Variants in ATRIP observed in about 807,000 individuals in gnomAD.
ATRIP encodes ATR interacting protein.
Under a neutral mutation model 78.1 loss-of-function variants are expected in ATRIP, and 44 were observed. That is an observed-to-expected ratio of 0.56 (90% CI 0.44 to 0.72). The LOEUF is 0.72. Among genes scored for constraint, ATRIP ranks in the 30% least tolerant of loss-of-function variants. The pLI is 0.00. For synonymous variants in ATRIP, 388 were observed against 408.9 expected, an observed-to-expected ratio of 0.95 and a Z score of 0.62; for missense variants, 927 against 980.2, an observed-to-expected ratio of 0.95 and a Z score of 0.72.
Position 48,463,887 on chromosome 3 carries a change from G to C in ATRIP, c.1882+6G>C, listed in dbSNP as rs1337375092. On this transcript the variant is annotated splice_donor_region_variant and intron_variant, in intron 9 of 12. Transcript: ENST00000320211. ...TCAGCTCTGTTCCCACTCAGGTAAA[G>C]CAGGGTGGGGCGGGCGTCTAGACTG... The C allele has an allele frequency of 6.2e-7, 1 of 1,614,120 alleles. No individual in the cohort carries two copies.
chr3:48,467,251 G>GTGA lies in ATRIP; in HGVS notation c.*1700_*1702dup, dbSNP rs74556809. On this transcript the variant is annotated 3_prime_UTR_variant, in exon 13 of 13. Coordinates refer to ENST00000320211, the MANE Select transcript of ATRIP (RefSeq NM_130384.3). Reference sequence around the variant, plus strand: ...CCTCCAGACTCGCACACGGCTGAGGGTGATGTCCTGGCCCTGCTCAGCATC... The same window carrying GTGA: ...CCTCCAGACTCGCACACGGCTGAGGGTGATGATGTCCTGGCCCTGCTCAGCATC... The GTGA allele has an allele frequency of 3.7e-6, 6 of 1,614,030 alleles. No homozygotes were observed. In the African/African-American group the frequency reaches 5.3e-5, roughly 14 times the overall value.
At chr3:48,447,175 G>T in intron 1 of ATRIP, 83 bp downstream of exon 1, 1 of 1,353,436 alleles carries the variant, frequency 7.4e-7, no homozygotes, top group Middle Eastern at 2.1e-4. Context: ...TCGGAACCTC[G>T]CGGCCAGCAC....
At chr3:48,448,460 A>C (rs2039744110) in intron 1 of ATRIP, among the ~76,000 whole-genome samples, 1 of 152,212 alleles carries the variant, frequency 6.6e-6, no homozygotes, top group Non-Finnish European at 1.5e-5. Context: ...GATTACAGGT[A>C]TGAGCCATCC....
In ATRIP at chr3:48,467,267, G is replaced by A; in HGVS notation, c.*1713G>A. ...CGGCTGAGGGTGATGTCCTGGCCCTGCTCAGCATCTGTCAGTGGAGACCAC... is the reference window on the plus strand; with the variant it reads ...CGGCTGAGGGTGATGTCCTGGCCCTACTCAGCATCTGTCAGTGGAGACCAC... On this transcript the variant is annotated 3_prime_UTR_variant, in exon 13 of 13. Transcript: ENST00000320211. The A allele has an allele frequency of 6.2e-7, 1 of 1,614,148 alleles. No individual in the cohort carries two copies. Among genetic ancestry groups the A allele is most frequent in the East Asian group, 2.2e-5 (1 of 44,888 alleles).
In ATRIP at chr3:48,450,064, A is replaced by G; in HGVS notation, c.275A>G (p.Asp92Gly). The change falls in exon 2 of 13, where the codon GAT becomes GGT. Residue 92 changes from aspartate to glycine, a missense_variant. Asp to Gly is a moderately conservative substitution (Grantham distance 94, BLOSUM62 -1). Transcript: ENST00000320211. ...GATCATAAGGTCCACAGATTATTAG[A>G]TGGCATGTCAAAAAATCCTTCAGGG... Reference protein sequence around the residue: ...SSDHKVHRLLDGMSKNPSGKN... With the variant: ...SSDHKVHRLLGGMSKNPSGKN... 2 of 1,613,702 alleles carry G rather than the reference A, an allele frequency of 1.2e-6. No individual in the cohort carries two copies. The highest frequency in any genetic ancestry group is 1.7e-6 in the Non-Finnish European group (2 of 1,179,864).
At chr3:48,464,160 A>G (rs1274029457) in intron 10 of ATRIP, 28 bp downstream of exon 10, 21 of 1,526,610 alleles carry the variant, frequency 1.4e-5, no homozygotes, top group South Asian at 5.6e-5. Context: ...CCTTCTGGAC[A>G]CTGTCCCCAC....
chr3:48,464,596 G>T lies in ATRIP; in HGVS notation c.1989G>T (p.Leu663=). ...LQLEQEVVWL[L]AKLGVQSPLP... ...TCTTGTTCTAGGTGGTGTGGCTCCT[G>T]GCTAAGCTTGGTGTGCAGAGCCCCT... Residue 663 remains leucine, a synonymous_variant, in exon 11 of 13, where the codon CTG becomes CTT. Transcript: ENST00000320211. 1 of 1,614,174 alleles carries T rather than the reference G, an allele frequency of 6.2e-7. No individual in the cohort carries two copies. Among genetic ancestry groups the T allele is most frequent in the Non-Finnish European group, 8.5e-7 (1 of 1,180,016 alleles).
In ATRIP at chr3:48,459,889, C is replaced by A. The variant is rs763853987; in HGVS notation, c.1028C>A (p.Thr343Asn). Residue 343 changes from threonine to asparagine, a missense_variant, in exon 7 of 13, where the codon ACC becomes AAC. Coordinates refer to ENST00000320211, the MANE Select transcript of ATRIP (RefSeq NM_130384.3). ...AGTAGTTCTGAGTCTCCTGCTGGCA[C>A]CCCCCTGCAGCCACCAGGGTTTGGC... ...LSSSSESPAGTPLQPPGFGST... is the reference protein window; with the variant it reads ...LSSSSESPAGNPLQPPGFGST... 7 of 1,613,518 alleles carry A rather than the reference C, an allele frequency of 4.3e-6. No homozygotes were observed. In the Admixed American group the frequency reaches 5.0e-5, roughly 12 times the overall value.
intron 10 of ATRIP, 42 bp from the exon 11 acceptor site, chr3:48,464,539 GT>G (rs1164108086): frequency 3.1e-6 from 5 of 1,591,674 alleles, no homozygotes; most frequent in African/African-American, 1.3e-5. Flanking sequence ...GCAGGGACTG[GT>G]CTCCTTCTGC....
chr3:48,464,233 AT>A, intron 10 of ATRIP, 101 bp downstream of exon 10: 2 of 1,112,114 alleles, frequency 1.8e-6, no homozygotes, highest in South Asian at 1.3e-5. Context: ...GCTTTAATTC[AT>A]TTTAGTAACA....
Position 48,464,919 on chromosome 3 carries a change from G to A in ATRIP, c.2144G>A (p.Arg715Gln), listed in dbSNP as rs763262850. Residue 715 changes from arginine (R) to glutamine (Q), a missense_variant, in exon 12 of 13, where the codon CGG (arginine) becomes CAG (glutamine). Transcript: ENST00000320211. ...CCCCCAAGGACCGACCAGCAGAGGCGGACAGTGCGCTGTCTGCGGGACACG... is the reference window on the plus strand; with the variant it reads ...CCCCCAAGGACCGACCAGCAGAGGCAGACAGTGCGCTGTCTGCGGGACACG... ...GGPPRTDQQR[R>Q]TVRCLRDTVL... is the part of the protein sequence containing the mutation. The A allele has an allele frequency of 6.8e-6, 11 of 1,614,030 alleles. No individual in the cohort carries two copies. The highest frequency in any genetic ancestry group is 3.3e-4 in the Middle Eastern group (2 of 6,084).
chr3:48,463,984 G>C, intron 9 of ATRIP, 57 bp from the exon 10 acceptor site: 7 of 1,604,908 alleles, frequency 4.4e-6, no homozygotes, highest in Non-Finnish European at 6.0e-6. Flanking sequence ...GCAGTATGTA[G>C]CCCACGCTCT....
intron 2 of ATRIP, among the ~76,000 whole-genome samples, chr3:48,451,361 A>G (rs2039832280): frequency 1.3e-5 from 2 of 152,312 alleles, no homozygotes; most frequent in South Asian, 4.1e-4. Context: ...CTAGTGGCAC[A>G]TGCTTTGTAG....
chr3:48,463,729 G>A lies in ATRIP; in HGVS notation c.1746-16G>A. ...GGTTGGGGAGTGTCACGTCTCTCTGGGTCCCTGTCTTTTAGGTTCCAGTGT... is the reference window on the plus strand; with the variant it reads ...GGTTGGGGAGTGTCACGTCTCTCTGAGTCCCTGTCTTTTAGGTTCCAGTGT... On this transcript the variant is annotated splice_polypyrimidine_tract_variant and intron_variant, in intron 8 of 12. Coordinates refer to ENST00000320211, the MANE Select transcript of ATRIP (RefSeq NM_130384.3). The A allele has an allele frequency of 6.2e-7, 1 of 1,613,964 alleles. No individual in the cohort carries two copies. The highest frequency in any genetic ancestry group is 1.1e-5 in the South Asian group (1 of 91,062).
intron 1 of ATRIP, chr3:48,447,608 A>G: frequency 1.1e-6 from 1 of 886,118 alleles, no homozygotes; most frequent in Non-Finnish European, 1.4e-6. Context: ...CTGACCTTAC[A>G]ATGAACAAAA....
At chr3:48,458,011 C>T (rs1231500654) in intron 5 of ATRIP, among the ~76,000 whole-genome samples, 24 of 151,616 alleles carry the variant, frequency 1.6e-4, no homozygotes. Context: ...TCTCCTAATG[C>T]TATCCCTCCC....
At chr3:48,450,479 A>G (rs766409015) in intron 2 of ATRIP, 23 of 1,286,004 alleles carry the variant, frequency 1.8e-5, no homozygotes, top group Admixed American at 4.5e-5. Flanking sequence ...AATGGTTGCT[A>G]TTTTCATTAG....
chr3:48,457,127 T>C (rs1321721890), intron 4 of ATRIP, 132 bp from the exon 5 acceptor site: 1 of 700,806 alleles, frequency 1.4e-6, no homozygotes. Flanking sequence ...ATGGTAGACA[T>C]ATAATAGATA....
At chr3:48,448,129 G>A (rs2039730481) in intron 1 of ATRIP, among the ~76,000 whole-genome samples, 1 of 150,870 alleles carries the variant, frequency 6.6e-6, no homozygotes, top group East Asian at 1.9e-4. Flanking sequence ...ACTCAAATCT[G>A]GCTGTGTCTT....
Sources: gnomAD v4.1 joint callset for allele counts (sites outside exome capture counted in the v4.1 genomes callset) on GRCh38, gnomAD v4.1.1 for gene constraint, MANE v1.5 for transcripts, NCBI Gene and HGNC (gene_info 2026-07-23, HGNC 2026-07-21) for gene names.